IL1RAPL1: variants seen among roughly 807,000 people sequenced by gnomAD.
IL1RAPL1 encodes interleukin 1 receptor accessory protein like 1, also known as interleukin-1 receptor accessory protein-like 1.
Under a neutral mutation model 48.4 loss-of-function variants are expected in IL1RAPL1, and 3 were observed. The observed-to-expected ratio is 0.06, with a 90% CI of 0.03 to 0.16. The LOEUF is 0.16. Among genes scored for constraint, IL1RAPL1 ranks in the 10% least tolerant of loss-of-function variants. The pLI is 1.00. For missense variants in IL1RAPL1, 349 were observed against 530.6 expected, an observed-to-expected ratio of 0.66 and a Z score of 3.36; for synonymous variants, 185 against 187.7, an observed-to-expected ratio of 0.99 and a Z score of 0.12.
chrX:29,888,189 G>T (rs1932205348), intron 6 of IL1RAPL1, among the ~76,000 whole-genome samples: 2 of 109,455 alleles, frequency 1.8e-5, no homozygotes, highest in South Asian at 8.0e-4. Flanking sequence ...ACTTTTTGAG[G>T]TGAGGTAGCC....
At chrX:28,983,572 A>C (rs1925394634) in intron 2 of IL1RAPL1, among the ~76,000 whole-genome samples, 1 of 112,069 alleles carries the variant, frequency 8.9e-6, no homozygotes, top group Non-Finnish European at 1.9e-5. Context: ...TTACGCTAAC[A>C]TTGGAGTTTG....
intron 2 of IL1RAPL1, among the ~76,000 whole-genome samples, chrX:29,140,827 C>T (rs967522781): frequency 9.0e-6 from 1 of 110,954 alleles, no homozygotes; most frequent in African/African-American, 3.3e-5. Context: ...TATAAGGGCA[C>T]TAATTCCATC....
At chrX:29,911,651 C>T (rs1932756896) in intron 6 of IL1RAPL1, among the ~76,000 whole-genome samples, 1 of 112,136 alleles carries the variant, frequency 8.9e-6, no homozygotes, top group Admixed American at 9.5e-5. Flanking sequence ...TTTACTCACT[C>T]ATCAGTGATG....
At chrX:29,644,231 A>T (rs930534097) in intron 5 of IL1RAPL1, among the ~76,000 whole-genome samples, 1 of 112,329 alleles carries the variant, frequency 8.9e-6, no homozygotes, top group Admixed American at 9.4e-5. Context: ...ACAGCTTTGT[A>T]GATTGCTTGC....
intron 6 of IL1RAPL1, among the ~76,000 whole-genome samples, chrX:29,797,888 C>A (rs1424202266): frequency 9.0e-6 from 1 of 110,881 alleles, no homozygotes; most frequent in Non-Finnish European, 1.9e-5. Flanking sequence ...CAAAACAAAA[C>A]AAAACAAAAA....
chrX:29,418,956 A>G (rs1934257542), intron 5 of IL1RAPL1, among the ~76,000 whole-genome samples: 2 of 112,313 alleles, frequency 1.8e-5, no homozygotes, highest in Admixed American at 9.5e-5. Context: ...AAGAAATAAA[A>G]TTACACTCAG....
intron 5 of IL1RAPL1, among the ~76,000 whole-genome samples, chrX:29,400,218 A>G (rs183633265): frequency 6.3e-5 from 7 of 111,988 alleles, no homozygotes; most frequent in African/African-American, 2.3e-4. Flanking sequence ...CTAGTCACAT[A>G]GGTTGGTGGA....
chrX:29,089,655 G>A (rs187488958), intron 2 of IL1RAPL1, among the ~76,000 whole-genome samples: 1 of 96,700 alleles, frequency 1.0e-5, no homozygotes, highest in Admixed American at 1.2e-4. Flanking sequence ...TGGAGATGTT[G>A]GTCAAAAGTG....
At chrX:28,817,452 A>T in intron 2 of IL1RAPL1, among the ~76,000 whole-genome samples, 1 of 111,042 alleles carries the variant, frequency 9.0e-6, no homozygotes, top group Non-Finnish European at 1.9e-5. Context: ...TGAGATAGCA[A>T]CAGTTTGCCA....
At chrX:29,145,579 T>C (rs1274396670) in intron 2 of IL1RAPL1, among the ~76,000 whole-genome samples, 9 of 111,426 alleles carry the variant, frequency 8.1e-5, no homozygotes, top group Admixed American at 9.6e-5. Flanking sequence ...CCATTTGTCT[T>C]CTGATGATTA....
chrX:28,955,106 G>A (rs1489854230), intron 2 of IL1RAPL1, among the ~76,000 whole-genome samples: 1 of 111,409 alleles, frequency 9.0e-6, no homozygotes, highest in Non-Finnish European at 1.9e-5. Flanking sequence ...TTTGATTGGG[G>A]CTCTGGGTGC....
chrX:29,405,746 A>G (rs1362166406), intron 5 of IL1RAPL1, among the ~76,000 whole-genome samples: 1 of 108,072 alleles, frequency 9.3e-6, no homozygotes, highest in East Asian at 2.9e-4. Context: ...TGATTTTGTT[A>G]TTTATCCTAC....
At chrX:28,768,755 C>CTCTCTCTCTCTCTA (rs1364972830) in intron 1 of IL1RAPL1, among the ~76,000 whole-genome samples, 5 of 34,890 alleles carry the variant, frequency 1.4e-4, no homozygotes, top group Non-Finnish European at 1.4e-4. Flanking sequence ...CTCTCTCTCT[C>CTCTCTCTCTCTCTA]TATATATATA....
intron 1 of IL1RAPL1, among the ~76,000 whole-genome samples, chrX:28,592,905 TA>T (rs894117991): frequency 8.9e-6 from 1 of 112,065 alleles, no homozygotes; most frequent in East Asian, 2.8e-4. Flanking sequence ...TTCCTATATT[TA>T]AAAAATGCAT....
intron 2 of IL1RAPL1, among the ~76,000 whole-genome samples, chrX:29,179,501 G>A (rs1319064370): frequency 9.0e-6 from 1 of 111,438 alleles, no homozygotes; most frequent in East Asian, 2.8e-4. Context: ...TATAGCTGGA[G>A]CTATGTTACC....
chrX:29,167,466 G>A (rs1281685237), intron 2 of IL1RAPL1, among the ~76,000 whole-genome samples: 1 of 109,427 alleles, frequency 9.1e-6, no homozygotes, highest in Non-Finnish European at 1.9e-5. Context: ...TTAATAAAAG[G>A]AGACTGGCCT....
intron 2 of IL1RAPL1, among the ~76,000 whole-genome samples, chrX:29,081,346 G>T (rs746294388): frequency 2.2e-3 from 239 of 109,354 alleles, no homozygotes; most frequent in African/African-American, 7.2e-3. Flanking sequence ...GTGAGCCACC[G>T]TGCCCAGACA....
intron 2 of IL1RAPL1, among the ~76,000 whole-genome samples, chrX:28,941,683 C>T (rs2147349281): frequency 9.0e-6 from 1 of 110,724 alleles, no homozygotes; most frequent in South Asian, 3.8e-4. Flanking sequence ...TAGTTTGGCT[C>T]CACTGATCCT....
intron 5 of IL1RAPL1, among the ~76,000 whole-genome samples, chrX:29,411,965 C>A (rs1934149509): frequency 9.0e-6 from 1 of 111,092 alleles, no homozygotes; most frequent in Admixed American, 9.7e-5. Flanking sequence ...CAATAAATAT[C>A]CCTTGATAGA....
Sources: gnomAD v4.1 joint callset for allele counts (sites outside exome capture counted in the v4.1 genomes callset) on GRCh38, gnomAD v4.1.1 for gene constraint, MANE v1.5 for transcripts, NCBI Gene and HGNC (gene_info 2026-07-23, HGNC 2026-07-21) for gene names.